The following LDB2 variants were observed in gnomAD, a reference collection of about 807,000 sequenced individuals.
LDB2 encodes the protein LIM domain binding 2.
A neutral mutation model predicts 44.3 loss-of-function variants in LDB2; 12 were observed. The observed-to-expected ratio is 0.27, with a 90% confidence interval of 0.17 to 0.44. The LOEUF (loss-of-function observed/expected upper bound fraction) is 0.44. LDB2 is among the 20% of genes least tolerant of loss of function. The pLI, the probability that LDB2 is intolerant of heterozygous loss-of-function variation, is 1.00. For synonymous variants in LDB2, 164 were observed against 174.8 expected (o/e 0.94, Z 0.49); for missense variants, 344 against 473.5 (o/e 0.73, Z 2.54).
intron 2 of LDB2, among the ~76,000 whole-genome samples, chr4:16,721,174 T>C (rs1321618188): frequency 6.6e-6 from 1 of 152,200 alleles, no homozygotes; most frequent in East Asian, 1.9e-4. Context: ...TTTGTAAAAT[T>C]GGAAATAAAT....
intron 2 of LDB2, among the ~76,000 whole-genome samples, chr4:16,727,695 G>A (rs1472929575): frequency 8.5e-5 from 13 of 152,080 alleles, no homozygotes; most frequent in Non-Finnish European, 1.3e-4. Context: ...TATATCTCCC[G>A]AAAGCTAATT....
intron 1 of LDB2, among the ~76,000 whole-genome samples, chr4:16,892,462 C>T (rs987942588): frequency 6.6e-6 from 1 of 152,126 alleles, no homozygotes; most frequent in Admixed American, 6.5e-5. Context: ...AGAAGGAAAA[C>T]GCCTTGTCAG....
At chr4:16,740,684 A>C (rs1763074257) in intron 2 of LDB2, among the ~76,000 whole-genome samples, 1 of 152,200 alleles carries the variant, frequency 6.6e-6, no homozygotes, top group African/African-American at 2.4e-5. Context: ...TCAGGATGAG[A>C]TCTAATTCAT....
chr4:16,564,298 T>C (rs1186264568), intron 5 of LDB2, among the ~76,000 whole-genome samples: 1 of 151,860 alleles, frequency 6.6e-6, no homozygotes, highest in African/African-American at 2.4e-5. Flanking sequence ...GAGGTGGAGG[T>C]TGCAGTGAGC....
At chr4:16,519,788 CA>C (rs1028504328) in intron 5 of LDB2, among the ~76,000 whole-genome samples, 20 of 151,892 alleles carry the variant, frequency 1.3e-4, no homozygotes, top group African/African-American at 4.8e-4. Context: ...TTATCTCTGA[CA>C]GTTTGAAACA....
At chr4:16,844,606 G>A (rs1786587117) in intron 1 of LDB2, among the ~76,000 whole-genome samples, 1 of 152,108 alleles carries the variant, frequency 6.6e-6, no homozygotes, top group African/African-American at 2.4e-5. Flanking sequence ...GTGTTTTAAT[G>A]TTAAGAAATC....
chr4:16,766,569 A>G (rs182847961), intron 1 of LDB2, among the ~76,000 whole-genome samples: 63 of 148,810 alleles, frequency 4.2e-4, no homozygotes, highest in African/African-American at 1.5e-3. Flanking sequence ...GCAATGGCGC[A>G]ATCTTGGCTC....
chr4:16,706,786 G>A (rs139973764), intron 2 of LDB2, among the ~76,000 whole-genome samples: 99 of 152,308 alleles, frequency 6.5e-4, no homozygotes, highest in African/African-American at 2.1e-3. Flanking sequence ...GGAGCCAGCT[G>A]TGTGAAGAAA....
Position 16,586,528 on chromosome 4 carries a change from A to AACAC in LDB2, c.532-527_532-524dup, listed in dbSNP as rs375304103. ...CACACACACACACACACACACACAA[A>AACAC]ACACACACACACACACACACACATA... On this transcript the variant is annotated intron_variant, in intron 4 of 7. Coordinates refer to ENST00000304523, the MANE Select transcript of LDB2 (RefSeq NM_001290.5). Among the ~76,000 whole-genome samples, 550 of 69,470 alleles carry AACAC rather than the reference A, an allele frequency of 7.9e-3. 4 individuals are homozygous for AACAC. Among genetic ancestry groups the AACAC allele is most frequent in the Non-Finnish European group, 0.014 (399 of 28,220 alleles). The allele number at this position is 69,470 out of a possible 152,430, so 45.6% of individuals were successfully genotyped here. A position where few individuals can be genotyped will look rare whatever the true frequency, so the allele number is the denominator to read the frequency against.
At chr4:16,669,839 G>A (rs142923601) in intron 2 of LDB2, among the ~76,000 whole-genome samples, 121 of 152,256 alleles carry the variant, frequency 7.9e-4, no homozygotes, top group African/African-American at 2.7e-3. Flanking sequence ...TTTTGTCACT[G>A]CCAGTGTAAT....
intron 1 of LDB2, among the ~76,000 whole-genome samples, chr4:16,883,523 C>T (rs7378240): frequency 1 from 152,352 of 152,354 alleles, 76,175 homozygotes; most frequent in Middle Eastern, 1. Flanking sequence ...TACCCGCCCA[C>T]TTAGGGCTTG....
intron 1 of LDB2, among the ~76,000 whole-genome samples, chr4:16,890,736 C>G (rs188572558): frequency 6.6e-6 from 1 of 152,154 alleles, no homozygotes; most frequent in Non-Finnish European, 1.5e-5. Context: ...AACCAGAATG[C>G]GTGCATCTCA....
chr4:16,884,450 A>G (rs552951122), intron 1 of LDB2, among the ~76,000 whole-genome samples: 22 of 152,276 alleles, frequency 1.4e-4, no homozygotes, highest in Admixed American at 1.4e-3. Context: ...AGGCCTACAC[A>G]CACAATCATA....
intron 2 of LDB2, among the ~76,000 whole-genome samples, chr4:16,613,492 C>G (rs1318128136): frequency 6.6e-6 from 1 of 152,082 alleles, no homozygotes; most frequent in Non-Finnish European, 1.5e-5. Context: ...TATGAAATGC[C>G]TACTATGCAT....
intron 1 of LDB2, among the ~76,000 whole-genome samples, chr4:16,868,518 G>A (rs1476315789): frequency 6.6e-6 from 1 of 152,138 alleles, no homozygotes; most frequent in African/African-American, 2.4e-5. Flanking sequence ...CTCAGCACTG[G>A]AATCAAAGTC....
intron 1 of LDB2, among the ~76,000 whole-genome samples, chr4:16,767,663 T>C (rs1769659965): frequency 6.6e-6 from 1 of 152,150 alleles, no homozygotes; most frequent in African/African-American, 2.4e-5. Context: ...AGCCTCCAGG[T>C]AAATAAAGAT....
At chr4:16,659,323 G>A (rs933623042) in intron 2 of LDB2, among the ~76,000 whole-genome samples, 22 of 151,988 alleles carry the variant, frequency 1.4e-4, no homozygotes, top group African/African-American at 4.6e-4. Flanking sequence ...TCCCTGGGTC[G>A]GCATCCCCGG....
intron 2 of LDB2, among the ~76,000 whole-genome samples, chr4:16,695,827 GA>G (rs1447422331): frequency 1.3e-5 from 2 of 148,726 alleles, no homozygotes; most frequent in Non-Finnish European, 3.0e-5. Context: ...TTCTTCTTTT[GA>G]TTTTTTTTGA....
chr4:16,636,583 T>C (rs1487844230), intron 2 of LDB2, among the ~76,000 whole-genome samples: 2 of 152,208 alleles, frequency 1.3e-5, no homozygotes, highest in South Asian at 4.1e-4. Flanking sequence ...AACTTATATT[T>C]ATGTATTTTG....
Sources: gnomAD v4.1 joint callset for allele counts (sites outside exome capture counted in the v4.1 genomes callset) on GRCh38, gnomAD v4.1.1 for gene constraint, MANE v1.5 for transcripts, NCBI Gene and HGNC (gene_info 2026-07-23, HGNC 2026-07-21) for gene names.